Variants in PLEKHA1 observed in about 807,000 individuals in gnomAD.
PLEKHA1 encodes the protein pleckstrin homology domain-containing family A member 1.
A neutral mutation model predicts 52.0 loss-of-function variants in PLEKHA1; 34 were observed. That is an observed-to-expected ratio of 0.65 (90% CI 0.50 to 0.87). PLEKHA1 has a LOEUF of 0.87. Ranked by LOEUF, PLEKHA1 falls within the 40% of genes least tolerant of loss-of-function variation. PLEKHA1 has a pLI of 0.00. For synonymous variants in PLEKHA1, 163 were observed against 170.7 expected, an observed-to-expected ratio of 0.95 and a Z score of 0.35; for missense variants, 497 against 504.2, an observed-to-expected ratio of 0.99 and a Z score of 0.14.
intron 3 of PLEKHA1, 115 bp downstream of exon 3, chr10:122,398,089 A>G (rs2096875432): frequency 4.0e-6 from 3 of 756,320 alleles, no homozygotes; most frequent in Non-Finnish European, 4.4e-6. Context: ...TCAGATTCCT[A>G]TCATACTGAA....
chr10:122,432,097 T>C lies in PLEKHA1; in HGVS notation c.*2159T>C, dbSNP rs1322778872. The stretch of plus-strand genomic sequence containing the variant: ...TCTCCTAATATTTATCTCAATTCTT[T>C]TATAAGTCTATGGAAATTATTTAAT... On this transcript the variant is annotated 3_prime_UTR_variant, in exon 12 of 12. Coordinates refer to ENST00000368990, the MANE Select transcript of PLEKHA1 (RefSeq NM_001001974.4). 6.6e-6 allele frequency: 1 copy of C among 152,234 alleles called. No homozygotes were observed. Among genetic ancestry groups the C allele is most frequent in the Non-Finnish European group, 1.5e-5 (1 of 68,038 alleles). The allele number at this position is 152,234 out of a possible 1,614,324, so 9.4% of individuals were successfully genotyped here.
chr10:122,420,137 CTT>C (rs1460830791), intron 8 of PLEKHA1: 1 of 152,188 alleles, frequency 6.6e-6, no homozygotes, highest in African/African-American at 2.4e-5. Context: ...CACCAACACT[CTT>C]TTTGGCACAA....
At chr10:122,421,957 A>G (rs1271256336) in intron 8 of PLEKHA1, 1 of 152,048 alleles carries the variant, frequency 6.6e-6, no homozygotes, top group Non-Finnish European at 1.5e-5. Context: ...ATAAAGTACA[A>G]GCTGAGCTCA....
chr10:122,382,082 T>A (rs903890074), intron 1 of PLEKHA1, among the ~76,000 whole-genome samples: 2 of 152,356 alleles, frequency 1.3e-5, no homozygotes, highest in South Asian at 4.1e-4. Flanking sequence ...GTTTCTTATG[T>A]ACTCTAGAAT....
chr10:122,440,045 A>G, the PLEKHA1 span: 1 of 152,252 alleles, frequency 6.6e-6, no homozygotes, highest in African/African-American at 2.4e-5. Context: ...AACTCAAAAT[A>G]TCCAATGCTG....
chr10:122,408,805 A>G (rs893045922), intron 5 of PLEKHA1, among the ~76,000 whole-genome samples: 26 of 152,226 alleles, frequency 1.7e-4, no homozygotes, highest in Non-Finnish European at 1.9e-4. Context: ...TCCTGTGAAC[A>G]TTGCTGATGA....
chr10:122,428,764 C>T (rs1176187457), intron 11 of PLEKHA1, among the ~76,000 whole-genome samples: 1 of 152,074 alleles, frequency 6.6e-6, no homozygotes, highest in African/African-American at 2.4e-5. Context: ...GAAATTTAGC[C>T]ATCTAATAGG....
chr10:122,413,577 T>C (rs1253898445), intron 6 of PLEKHA1, among the ~76,000 whole-genome samples: 1 of 152,120 alleles, frequency 6.6e-6, no homozygotes, highest in African/African-American at 2.4e-5. Flanking sequence ...TTCTACAACC[T>C]GGCCTAAGTG....
chr10:122,441,820 A>G, the PLEKHA1 span: 1 of 152,242 alleles, frequency 6.6e-6, no homozygotes, highest in Non-Finnish European at 1.5e-5. Context: ...CTGGCAACTG[A>G]AAAGGAAAAC....
chr10:122,425,740 A>C (rs1272505363), intron 10 of PLEKHA1: 1 of 151,872 alleles, frequency 6.6e-6, no homozygotes, highest in East Asian at 1.9e-4. Flanking sequence ...AAAAAATCAA[A>C]AAGGGATGAT....
At chr10:122,429,024 C>T (rs1050565456) in intron 11 of PLEKHA1, among the ~76,000 whole-genome samples, 17 of 152,106 alleles carry the variant, frequency 1.1e-4, no homozygotes, top group Admixed American at 3.3e-4. Context: ...AATATATGAC[C>T]TATTCAGAAC....
rs1279382232 is a variant in PLEKHA1, at chr10:122,393,889, G to A, written c.141+548G>A. Among the ~76,000 whole-genome samples, 1 of 152,050 alleles carries A rather than the reference G, an allele frequency of 6.6e-6. No homozygotes were observed. The highest frequency in any genetic ancestry group is 2.4e-5 in the African/African-American group (1 of 41,396). ...ACATATGTAGTCCTTTTATTTTGTA[G>A]TGTCAGATTTGAGTCAGTCATTGTA... On this transcript the variant is annotated intron_variant, in intron 2 of 11. Coordinates refer to ENST00000368990, the MANE Select transcript of PLEKHA1 (RefSeq NM_001001974.4). The surrounding 1 kb of genome is among the most constrained non-coding windows in gnomAD (Gnocchi z 4.5).
At chr10:122,402,431 C>T (rs1320124465) in intron 4 of PLEKHA1, among the ~76,000 whole-genome samples, 2 of 152,148 alleles carry the variant, frequency 1.3e-5, no homozygotes, top group Non-Finnish European at 2.9e-5. Context: ...GAACAAGAAA[C>T]GTGCAAGCCA....
At chr10:122,406,216 C>G (rs1203326837) in intron 4 of PLEKHA1, among the ~76,000 whole-genome samples, 1 of 152,108 alleles carries the variant, frequency 6.6e-6, no homozygotes, top group Non-Finnish European at 1.5e-5. Context: ...CCCAACAAAT[C>G]TATGTCAAGA....
At chr10:122,375,998 C>G (rs1449162434) in intron 1 of PLEKHA1, among the ~76,000 whole-genome samples, 1 of 152,148 alleles carries the variant, frequency 6.6e-6, no homozygotes, top group Non-Finnish European at 1.5e-5. Flanking sequence ...CATTGTCTTT[C>G]ATCTTAGAAC....
chr10:122,424,098 G>A (rs1330719976), intron 8 of PLEKHA1, 101 bp from the exon 9 acceptor site: 1 of 1,408,528 alleles, frequency 7.1e-7, no homozygotes, highest in African/African-American at 1.5e-5. Flanking sequence ...GAAAAGAAGT[G>A]TGATTTTCAC....
At chr10:122,416,568 C>T (rs572430708) in intron 7 of PLEKHA1, among the ~76,000 whole-genome samples, 5 of 152,272 alleles carry the variant, frequency 3.3e-5, no homozygotes, top group Non-Finnish European at 7.4e-5. Context: ...TTTCCCTTTG[C>T]ACAGCACCTG....
intron 6 of PLEKHA1, among the ~76,000 whole-genome samples, chr10:122,414,690 A>G (rs2097149840): frequency 6.6e-6 from 1 of 152,178 alleles, no homozygotes; most frequent in African/African-American, 2.4e-5. Context: ...AAGCACATGA[A>G]AAGATGTTCA....
At chr10:122,418,256 G>C (rs1051409505) in intron 8 of PLEKHA1, 2 of 267,762 alleles carry the variant, frequency 7.5e-6, no homozygotes, top group African/African-American at 2.2e-5. Context: ...CTCTTGGGGG[G>C]TTAGCCCCAC....
Sources: gnomAD v4.1 joint callset for allele counts (sites outside exome capture counted in the v4.1 genomes callset) on GRCh38, gnomAD v4.1.1 for gene constraint, Gnocchi (gnomAD v3.1) non-coding constraint, MANE v1.5 for transcripts, NCBI Gene and HGNC (gene_info 2026-07-23, HGNC 2026-07-21) for gene names.